Variants in RGS7 observed in about 807,000 individuals in gnomAD.
RGS7 encodes the protein regulator of G-protein signaling 7.
Under a neutral mutation model 81.1 loss-of-function variants are expected in RGS7, and 27 were observed. The observed-to-expected ratio is 0.33, with a 90% CI of 0.25 to 0.46. The LOEUF (loss-of-function observed/expected upper bound fraction) is 0.46. Among genes scored for constraint, RGS7 ranks in the 20% least tolerant of loss-of-function variants. The probability of loss-of-function intolerance (pLI) is 1.00; values close to 1 mark genes in which losing one functional copy is unlikely to be tolerated. For missense variants in RGS7, 396 were observed against 607.4 expected (o/e 0.65, Z 3.66); for synonymous variants, 208 against 207.7 (o/e 1.00, Z -0.01).
chr1:241,218,661 T>C (rs2074715757), intron 2 of RGS7, among the ~76,000 whole-genome samples: 1 of 152,160 alleles, frequency 6.6e-6, no homozygotes, highest in South Asian at 2.1e-4. Flanking sequence ...TGTTTGTTTT[T>C]TGAGACGGAG....
chr1:240,949,763 G>T (rs955053525), intron 4 of RGS7, among the ~76,000 whole-genome samples: 1 of 146,946 alleles, frequency 6.8e-6, no homozygotes, highest in Non-Finnish European at 1.5e-5. Context: ...CAGGAGAATG[G>T]CTTGAACCCA....
At chr1:240,826,552 A>G (rs999504075) in intron 10 of RGS7, among the ~76,000 whole-genome samples, 7 of 152,236 alleles carry the variant, frequency 4.6e-5, no homozygotes, top group Admixed American at 1.3e-4. Context: ...CGTGTTTTAT[A>G]GAATGAATAA....
At chr1:241,060,475 C>A (rs189241948) in intron 3 of RGS7, among the ~76,000 whole-genome samples, 12 of 152,104 alleles carry the variant, frequency 7.9e-5, no homozygotes, top group African/African-American at 2.6e-4. Context: ...TTTTCTCCCC[C>A]CAACTTCCAC....
intron 2 of RGS7, among the ~76,000 whole-genome samples, chr1:241,116,481 C>T (rs546313790): frequency 4.6e-4 from 70 of 152,218 alleles, no homozygotes; most frequent in Non-Finnish European, 8.2e-4. Flanking sequence ...GGCTTCCCGG[C>T]CTCCCTTAAT....
rs139558311 is a variant in RGS7, at chr1:240,973,744, C to T, written c.226+9335G>A. On this transcript the variant is annotated intron_variant, in intron 4 of 18. Coordinates refer to ENST00000440928, the MANE Select transcript of RGS7 (RefSeq NM_001364886.1). ...AGCTGGGACTACAGGGGCCCACCAC[C>T]GCGCCCGGCTAATTTTTTTTTCTAT... 8.1e-3 allele frequency among the ~76,000 whole-genome samples: 1,228 copies of T among 151,908 alleles called. 24 individuals carry two copies. Among genetic ancestry groups the T allele is most frequent in the African/African-American group, 0.028 (1,167 of 41,468 alleles).
intron 9 of RGS7, among the ~76,000 whole-genome samples, chr1:240,862,951 GTGTGTT>G (rs1662504701): frequency 6.6e-6 from 1 of 150,658 alleles, no homozygotes; most frequent in African/African-American, 2.5e-5. Context: ...GTGTGTGTGT[GTGTGTT>G]TGTGTGTGTA....
At chr1:240,957,827 C>T (rs1416247818) in intron 4 of RGS7, among the ~76,000 whole-genome samples, 3 of 152,084 alleles carry the variant, frequency 2.0e-5, no homozygotes, top group Admixed American at 6.5e-5. Flanking sequence ...TAAACCTATT[C>T]TAAAATAAGA....
At chr1:241,117,035 G>A (rs1370569074) in intron 2 of RGS7, among the ~76,000 whole-genome samples, 4 of 152,070 alleles carry the variant, frequency 2.6e-5, no homozygotes, top group African/African-American at 4.8e-5. Context: ...GTAAGAAGGG[G>A]GCCCTCTACG....
At chr1:240,918,408 A>G (rs1425171445) in intron 6 of RGS7, among the ~76,000 whole-genome samples, 1 of 152,174 alleles carries the variant, frequency 6.6e-6, no homozygotes, top group African/African-American at 2.4e-5. Context: ...TATGATCTCA[A>G]ACAATAGAAT....
chr1:240,922,936 C>A (rs1043725018), intron 6 of RGS7, among the ~76,000 whole-genome samples: 1 of 151,960 alleles, frequency 6.6e-6, no homozygotes, highest in Non-Finnish European at 1.5e-5. Context: ...CTCGTAATTG[C>A]CATATGTGGA....
chr1:241,064,755 A>G (rs1246913588), intron 3 of RGS7, among the ~76,000 whole-genome samples: 1 of 152,126 alleles, frequency 6.6e-6, no homozygotes, highest in African/African-American at 2.4e-5. Context: ...AAGAAAAAAA[A>G]GTCAGAATCC....
chr1:240,875,669 T>G (rs971479966), intron 6 of RGS7, among the ~76,000 whole-genome samples: 26 of 152,228 alleles, frequency 1.7e-4, no homozygotes, highest in African/African-American at 4.8e-4. Context: ...ATCAGGGTTC[T>G]CTTTTCTCCA....
intron 10 of RGS7, among the ~76,000 whole-genome samples, chr1:240,824,440 A>C (rs1035502616): frequency 1.3e-5 from 2 of 152,184 alleles, no homozygotes; most frequent in Non-Finnish European, 1.5e-5. Flanking sequence ...AGCCAGGAGG[A>C]GGCGCTACAG....
chr1:241,112,726 G>A (rs1228379340), intron 2 of RGS7, among the ~76,000 whole-genome samples: 1 of 152,146 alleles, frequency 6.6e-6, no homozygotes, highest in Non-Finnish European at 1.5e-5. Flanking sequence ...AGATCAATGA[G>A]TAAACTGTAG....
At chr1:240,962,311 G>A (rs77115854) in intron 4 of RGS7, among the ~76,000 whole-genome samples, 6,131 of 152,032 alleles carry the variant, frequency 0.04, 156 homozygotes, top group South Asian at 0.097. Flanking sequence ...CTTTCTCTCC[G>A]GCTCCTGACC....
intron 4 of RGS7, among the ~76,000 whole-genome samples, chr1:240,969,052 C>T (rs1157146666): frequency 6.6e-6 from 1 of 152,146 alleles, no homozygotes; most frequent in African/African-American, 2.4e-5. Flanking sequence ...CAGATATAAT[C>T]GTACATTTCT....
rs369947240 is a variant in RGS7, at chr1:241,224,167, T to C, written c.79-125405A>G. On this transcript the variant is annotated intron_variant, in intron 2 of 18. Transcript: ENST00000440928. ...AACATGCAGTTTTGTTACATAGTTA[T>C]ACACGTGCCTTGGTGGTTTGCTACA... 1.2e-3 allele frequency among the ~76,000 whole-genome samples: 180 copies of C among 152,204 alleles called. 5 individuals carry two copies. In the South Asian group the frequency reaches 0.036, roughly 30 times the overall value.
intron 4 of RGS7, among the ~76,000 whole-genome samples, chr1:240,944,278 GTGTGTATA>G (rs1328326085): frequency 2.9e-4 from 6 of 20,452 alleles, no homozygotes; most frequent in East Asian, 1.4e-3. Context: ...GTGTGTGTGT[GTGTGTATA>G]TATATATATA....
chr1:241,067,135 T>A (rs1024032207), intron 3 of RGS7, among the ~76,000 whole-genome samples: 2 of 152,178 alleles, frequency 1.3e-5, no homozygotes, highest in African/African-American at 4.8e-5. Context: ...ATCTCTACTA[T>A]GTGTTTGGGG....
Sources: allele counts gnomAD v4.1 joint callset (sites outside exome capture counted in the v4.1 genomes callset), GRCh38; gene constraint gnomAD v4.1.1; transcripts MANE v1.5; gene names NCBI Gene and HGNC (gene_info 2026-07-23, HGNC 2026-07-21).